Variants in ZCCHC14 observed in about 807,000 individuals in gnomAD.
ZCCHC14 encodes zinc finger CCHC domain-containing protein 14.
Under a neutral mutation model 85.0 loss-of-function variants are expected in ZCCHC14, and 16 were observed. That is an observed-to-expected ratio of 0.19 (90% CI 0.13 to 0.29). ZCCHC14 has a LOEUF of 0.29. Ranked by LOEUF, ZCCHC14 falls within the 10% of genes least tolerant of loss-of-function variation. The probability of loss-of-function intolerance (pLI) is 1.00; values close to 1 mark genes in which losing one functional copy is unlikely to be tolerated. For synonymous variants in ZCCHC14, 775 were observed against 630.7 expected, an observed-to-expected ratio of 1.23 and a Z score of -3.43; for missense variants, 1,303 against 1,443.5, an observed-to-expected ratio of 0.90 and a Z score of 1.58.
chr16:87,416,901 G>C (rs1036663460), intron 8 of ZCCHC14, among the ~76,000 whole-genome samples: 4 of 152,184 alleles, frequency 2.6e-5, no homozygotes, highest in African/African-American at 9.7e-5. Flanking sequence ...ATAGATAAAA[G>C]CCACCAAGCC....
intron 1 of ZCCHC14, among the ~76,000 whole-genome samples, chr16:87,483,828 G>A (rs962563946): frequency 9.9e-5 from 15 of 152,172 alleles, no homozygotes; most frequent in Admixed American, 8.5e-4. Context: ...CTACTCCACA[G>A]GTAGACTTAC....
intron 2 of ZCCHC14, among the ~76,000 whole-genome samples, chr16:87,445,854 A>T (rs528262365): frequency 3.2e-4 from 48 of 152,310 alleles, no homozygotes; most frequent in South Asian, 8.3e-4. Context: ...TTGTTGAGGG[A>T]AAACTAATTT....
At chr16:87,450,046 C>CA (rs1567528576) in intron 2 of ZCCHC14, among the ~76,000 whole-genome samples, 1 of 152,106 alleles carries the variant, frequency 6.6e-6, no homozygotes, top group South Asian at 2.1e-4. Flanking sequence ...GACCCTGTCT[C>CA]AAAAAACAAA....
intron 12 of ZCCHC14, among the ~76,000 whole-genome samples, chr16:87,410,852 C>A (rs1908397448): frequency 6.6e-6 from 1 of 152,196 alleles, no homozygotes; most frequent in Admixed American, 6.5e-5. Flanking sequence ...AGATCTAGTG[C>A]AACCCTTAGA....
Position 87,417,536 on chromosome 16 carries a change from T to C in ZCCHC14, c.1307A>G (p.Asn436Ser). 6.2e-7 allele frequency: 1 copy of C among 1,614,252 alleles called. No individual in the cohort carries two copies. The highest frequency in any genetic ancestry group is 8.5e-7 in the Non-Finnish European group (1 of 1,180,032). Residue 436 changes from asparagine (N) to serine (S), a missense_variant, in exon 8 of 13, where the codon AAT becomes AGT. By Grantham distance (46) the Asn-to-Ser change is conservative (BLOSUM62 1). Transcript: ENST00000671377. ...SLQTPQTQEQ[N>S]GILDWLRKLR... ...TTTCCTAAGCCAGTCTAGAATCCCATTCTGCTCCTGGGTCTGAGGGGTCTG... is the reference window on the plus strand; with the variant it reads ...TTTCCTAAGCCAGTCTAGAATCCCACTCTGCTCCTGGGTCTGAGGGGTCTG...
intron 1 of ZCCHC14, among the ~76,000 whole-genome samples, chr16:87,484,689 G>C (rs111506272): frequency 6.6e-6 from 1 of 152,224 alleles, no homozygotes; most frequent in Non-Finnish European, 1.5e-5. Context: ...GCTCAGGGAG[G>C]CCTCAGTGGT....
intron 2 of ZCCHC14, among the ~76,000 whole-genome samples, chr16:87,435,767 T>A (rs1348767600): frequency 2.0e-5 from 3 of 152,230 alleles, no homozygotes; most frequent in Non-Finnish European, 4.4e-5. Context: ...AAGCTTAAAA[T>A]AGCACCTCAC....
intron 1 of ZCCHC14, among the ~76,000 whole-genome samples, chr16:87,477,120 C>CAAAAAAAAAAAAAA (rs769416913): frequency 3.0e-4 from 12 of 40,618 alleles, no homozygotes; most frequent in African/African-American, 8.6e-4. Context: ...GACTCAGTCT[C>CAAAAAAAAAAAAAA]AAAAAAAAAA....
chr16:87,470,650 AAAAC>A (rs1334411201), intron 1 of ZCCHC14: 2 of 152,238 alleles, frequency 1.3e-5, no homozygotes, highest in Admixed American at 1.3e-4. Context: ...AGCAAAAAGA[AAAAC>A]AAACAACATA....
chr16:87,416,351 T>G (rs1908782714), intron 8 of ZCCHC14, among the ~76,000 whole-genome samples: 1 of 152,236 alleles, frequency 6.6e-6, no homozygotes, highest in African/African-American at 2.4e-5. Flanking sequence ...CCTCTAATTT[T>G]CATGTTATTT....
At chr16:87,437,337 C>A (rs1471110980) in intron 2 of ZCCHC14, among the ~76,000 whole-genome samples, 1 of 57,732 alleles carries the variant, frequency 1.7e-5, no homozygotes, top group Middle Eastern at 0.014. Context: ...AATTCCATCT[C>A]AAAAAAAAAA....
intron 1 of ZCCHC14, among the ~76,000 whole-genome samples, chr16:87,488,329 A>AG (rs1267806428): frequency 1.3e-5 from 2 of 152,192 alleles, no homozygotes; most frequent in African/African-American, 4.8e-5. Flanking sequence ...GGAACAGGCG[A>AG]CTGCAGGAGC....
At chr16:87,456,532 CCAAA>C (rs1910974301) in intron 2 of ZCCHC14, among the ~76,000 whole-genome samples, 1 of 7,836 alleles carries the variant, frequency 1.3e-4, no homozygotes, top group African/African-American at 1.5e-4. Context: ...GACTCTGTCT[CCAAA>C]AAAAAAAAAA....
At chr16:87,477,331 T>C (rs2098380597) in intron 1 of ZCCHC14, among the ~76,000 whole-genome samples, 1 of 152,136 alleles carries the variant, frequency 6.6e-6, no homozygotes, top group Admixed American at 6.5e-5. Flanking sequence ...AACGAGCCGC[T>C]GGGGCGAAGG....
rs755725578 is a variant in ZCCHC14, at chr16:87,491,638, G to A, written c.570+31C>T. On this transcript the variant is annotated intron_variant, in intron 1 of 12. Coordinates refer to ENST00000671377, the MANE Select transcript of ZCCHC14 (RefSeq NM_015144.3). The surrounding 1 kb of genome is among the most constrained non-coding windows in gnomAD (Gnocchi z 5.9). ...GCAGAGTTGGGGATGCAGACTTGGG[G>A]TACAGGGCAGAGCTCGGGGCGGGCA... 6 of 1,381,890 alleles carry A rather than the reference G, an allele frequency of 4.3e-6. No homozygotes were observed. The highest frequency in any genetic ancestry group is 3.1e-5 in the African/African-American group (2 of 65,406). The allele number at this position is 1,381,890 out of a possible 1,614,324, so 85.6% of individuals were successfully genotyped here. A position where few individuals can be genotyped will look rare whatever the true frequency, so the allele number is the denominator to read the frequency against.
At chr16:87,487,377 C>G (rs1343681684) in intron 1 of ZCCHC14, among the ~76,000 whole-genome samples, 1 of 152,218 alleles carries the variant, frequency 6.6e-6, no homozygotes, top group Non-Finnish European at 1.5e-5. Context: ...AACGGCAGGG[C>G]CCTCACAGCT....
At chr16:87,455,881 T>TGCC (rs961478229) in intron 2 of ZCCHC14, among the ~76,000 whole-genome samples, 1 of 152,236 alleles carries the variant, frequency 6.6e-6, no homozygotes, top group African/African-American at 2.4e-5. Context: ...TAGATAATTT[T>TGCC]GCCCACCTGC....
chr16:87,480,936 G>C (rs1206545881), intron 1 of ZCCHC14, among the ~76,000 whole-genome samples: 1 of 152,226 alleles, frequency 6.6e-6, no homozygotes. Flanking sequence ...TACAGAGAGA[G>C]GTGTGTACGG....
Position 87,445,385 on chromosome 16 carries a change from G to A in ZCCHC14, c.695-12184C>T, listed in dbSNP as rs965148482. On this transcript the variant is annotated intron_variant, in intron 2 of 12. Coordinates refer to ENST00000671377, the MANE Select transcript of ZCCHC14 (RefSeq NM_015144.3). ...TGGCCTAAAATGAACCATTTTTAAAGACGCAGATCTATTCCCTCAGTGTGT... is the reference window on the plus strand; with the variant it reads ...TGGCCTAAAATGAACCATTTTTAAAAACGCAGATCTATTCCCTCAGTGTGT... Among the ~76,000 whole-genome samples the A allele has an allele frequency of 2.0e-5, 3 of 152,288 alleles. No individual in the cohort carries two copies. In the East Asian group the frequency reaches 5.8e-4, roughly 29 times the overall value.
Sources: allele counts gnomAD v4.1 joint callset (sites outside exome capture counted in the v4.1 genomes callset), GRCh38; gene constraint gnomAD v4.1.1; non-coding constraint Gnocchi (gnomAD v3.1); transcripts MANE v1.5; gene names NCBI Gene and HGNC (gene_info 2026-07-23, HGNC 2026-07-21).